LETMD1: variants seen among roughly 807,000 people sequenced by gnomAD.
LETMD1 encodes LETM1 domain containing 1, also known as LETM1 domain-containing protein 1.
In LETMD1, 30 loss-of-function variants were observed where a neutral mutation model predicts 43.9. The observed-to-expected ratio is 0.68, with a 90% CI of 0.51 to 0.93. The LOEUF (loss-of-function observed/expected upper bound fraction) is 0.93. Among genes scored for constraint, LETMD1 ranks in the 40% least tolerant of loss-of-function variants. The probability of loss-of-function intolerance (pLI) is 0.00; values close to 1 mark genes in which losing one functional copy is unlikely to be tolerated. For synonymous variants in LETMD1, 176 were observed against 163.1 expected, an observed-to-expected ratio of 1.08 and a Z score of -0.60; for missense variants, 413 against 447.7, an observed-to-expected ratio of 0.92 and a Z score of 0.70.
At position 51,059,537 on chromosome 12, in the gene LETMD1, A is replaced by T; in HGVS notation, c.*106A>T. ...CTGTGTGTACTGTTAAGTGTGTGGG[A>T]GGCAGAGAGAGGAGCAGGGGCCATG... On this transcript the variant is annotated 3_prime_UTR_variant, in exon 9 of 9. Transcript: ENST00000262055. 1.0e-6 allele frequency: 1 copy of T among 965,678 alleles called. No homozygotes were observed. Among genetic ancestry groups the T allele is most frequent in the South Asian group, 1.3e-5 (1 of 74,802 alleles). 59.8% of individuals were successfully genotyped at this position (965,678 alleles called of 1,614,324 possible). A position where few individuals can be genotyped will look rare whatever the true frequency, so the allele number is the denominator to read the frequency against.
chr12:51,058,194 AT>A (rs1294722974), intron 8 of LETMD1, 66 bp downstream of exon 8: 2 of 1,021,448 alleles, frequency 2.0e-6, no homozygotes, highest in Non-Finnish European at 3.1e-6. Context: ...TTCTGAGGTC[AT>A]TTTGGAGTTA....
chr12:51,048,770 C>T (rs1945079867), intron 1 of LETMD1: 2 of 588,394 alleles, frequency 3.4e-6, no homozygotes, highest in Non-Finnish European at 6.0e-6. Context: ...CTCTTTCTGA[C>T]TTAGCCTGCA....
At chr12:51,056,558 G>A (rs750477751) in intron 7 of LETMD1, 56 bp downstream of exon 7, 10 of 1,601,468 alleles carry the variant, frequency 6.2e-6, no homozygotes, top group South Asian at 1.1e-5. Context: ...TTGAGCCTAT[G>A]GCAGGCCGGA....
intron 2 of LETMD1, among the ~76,000 whole-genome samples, chr12:51,051,372 C>T (rs1231251380): frequency 6.6e-6 from 1 of 151,548 alleles, no homozygotes; most frequent in African/African-American, 2.4e-5. Context: ...CCACTGCACT[C>T]CAGCCTGGGC....
At chr12:51,067,905 T>C in the LETMD1 span, 1 of 1,614,140 alleles carries the variant, frequency 6.2e-7, no homozygotes, top group East Asian at 2.2e-5. This position sits in a 1 kb window ranked among gnomAD's most constrained non-coding sequence, Gnocchi z 4.1. Flanking sequence ...AATATCTTCA[T>C]CTGACACATC....
chr12:51,056,534 C>T (rs761995561), intron 7 of LETMD1, 32 bp downstream of exon 7: 4 of 1,613,364 alleles, frequency 2.5e-6, no homozygotes, highest in Non-Finnish European at 1.7e-6. Context: ...CAACCCTCAA[C>T]CCTTGGTGTG....
chr12:51,064,591 T>G, downstream of LETMD1: 1 of 1,595,060 alleles, frequency 6.3e-7, no homozygotes, highest in Non-Finnish European at 8.5e-7. Flanking sequence ...CGGACCCGGA[T>G]TGGATTAAAT....
chr12:51,066,596 G>A, the LETMD1 span, among the ~76,000 whole-genome samples: 338 of 151,086 alleles, frequency 2.2e-3, no homozygotes, highest in African/African-American at 7.6e-3. Flanking sequence ...AGCCAAGATC[G>A]CGCCACTGCA....
In LETMD1 at chr12:51,056,410, C is replaced by T. The variant is rs780626625; in HGVS notation, c.823C>T (p.Arg275Cys). Reference protein sequence around the residue: ...SYLPPPLLRHRLKTHTTVIHQ... With the variant: ...SYLPPPLLRHCLKTHTTVIHQ... The stretch of plus-strand genomic sequence containing the variant: ...CCTGCCTCCTCCCTTGTTGAGACAT[C>T]GTTTGAAGACTCATACAACTGTGAT... The change falls in exon 7 of 9, where the codon CGT (arginine) becomes TGT (cysteine). Residue 275 changes from arginine to cysteine, a missense_variant. By Grantham distance (180) the Arg-to-Cys change is radical (BLOSUM62 -3). Coordinates refer to ENST00000262055, the MANE Select transcript of LETMD1 (RefSeq NM_015416.5). 3.7e-6 allele frequency: 6 copies of T among 1,614,156 alleles called. No individual in the cohort carries two copies. The highest frequency in any genetic ancestry group is 1.6e-4 in the Middle Eastern group (1 of 6,062).
At chr12:51,048,760 C>T (rs1425782653) in intron 1 of LETMD1, 1 of 589,214 alleles carries the variant, frequency 1.7e-6, no homozygotes, top group Admixed American at 3.0e-5. Context: ...TCGATTCCAC[C>T]TCTTTCTGAC....
chr12:51,052,262 C>G, intron 3 of LETMD1, 55 bp downstream of exon 3: 4 of 1,593,138 alleles, frequency 2.5e-6, no homozygotes, highest in South Asian at 1.1e-5. Flanking sequence ...TACATTTAAT[C>G]AAGATCTCAA....
downstream of LETMD1, chr12:51,064,618 T>C: frequency 1.3e-6 from 2 of 1,554,374 alleles, no homozygotes; most frequent in Non-Finnish European, 1.7e-6. Context: ...CGTCCTGCCA[T>C]GTTCCCACAG....
At chr12:51,057,194 C>T (rs143266213) in intron 7 of LETMD1, among the ~76,000 whole-genome samples, 2 of 152,036 alleles carry the variant, frequency 1.3e-5, no homozygotes, top group East Asian at 3.9e-4. Context: ...CAAGATCGCA[C>T]CACTGCACTC....
At chr12:51,051,980 T>C (rs1190092111) in intron 2 of LETMD1, 112 bp from the exon 3 acceptor site, 2 of 869,054 alleles carry the variant, frequency 2.3e-6, no homozygotes, top group African/African-American at 3.4e-5. Flanking sequence ...GCTTTGAGTA[T>C]CGTTGGGGAG....
intron 2 of LETMD1, among the ~76,000 whole-genome samples, chr12:51,051,519 C>A (rs1225513614): frequency 4.6e-5 from 7 of 151,880 alleles, no homozygotes; most frequent in Non-Finnish European, 1.0e-4. Context: ...ACGAGCCTGT[C>A]CACATGGTGA....
At chr12:51,051,694 G>GCA (rs2136569603) in intron 2 of LETMD1, among the ~76,000 whole-genome samples, 7 of 152,006 alleles carry the variant, frequency 4.6e-5, no homozygotes, top group Admixed American at 3.3e-4. Context: ...GCAACAAAGT[G>GCA]AGATTCCATC....
chr12:51,055,601 G>A, intron 4 of LETMD1: 1 of 393,886 alleles, frequency 2.5e-6, no homozygotes, highest in Non-Finnish European at 4.5e-6. Context: ...GGAGGTCGAG[G>A]CTGCAGTGAG....
At chr12:51,066,784 T>G in the LETMD1 span, among the ~76,000 whole-genome samples, 1 of 152,212 alleles carries the variant, frequency 6.6e-6, no homozygotes, top group African/African-American at 2.4e-5. Context: ...GTAGAGGTAC[T>G]GAACAATAAG....
chr12:51,049,378 T>C (rs942763958), intron 2 of LETMD1, 193 bp downstream of exon 2: 1 of 542,556 alleles, frequency 1.8e-6, no homozygotes, highest in African/African-American at 1.9e-5. Flanking sequence ...AAAGATGTTA[T>C]GAGAAACAAC....
Sources: allele counts gnomAD v4.1 joint callset (sites outside exome capture counted in the v4.1 genomes callset), GRCh38; gene constraint gnomAD v4.1.1; non-coding constraint Gnocchi (gnomAD v3.1); transcripts MANE v1.5; gene names NCBI Gene and HGNC (gene_info 2026-07-23, HGNC 2026-07-21).